Variants in KCNMA1 observed in about 807,000 individuals in gnomAD.
The protein encoded by KCNMA1 is Calcium-activated potassium channel subunit alpha-1.
In KCNMA1, 29 loss-of-function variants were observed where a neutral mutation model predicts 140.0. That is an observed-to-expected ratio of 0.21 (90% CI 0.15 to 0.28). The LOEUF is 0.28. Among genes scored for constraint, KCNMA1 ranks in the 10% least tolerant of loss-of-function variants. KCNMA1 has a pLI of 1.00. For missense variants in KCNMA1, 880 were observed against 1,602.2 expected, an observed-to-expected ratio of 0.55 and a Z score of 7.70; for synonymous variants, 612 against 611.9, an observed-to-expected ratio of 1.00 and a Z score of 0.00.
intron 14 of KCNMA1, among the ~76,000 whole-genome samples, chr10:77,042,786 A>T (rs2094809827): frequency 6.6e-6 from 1 of 152,308 alleles, no homozygotes; most frequent in Middle Eastern, 3.4e-3. Context: ...GAAGGAACAC[A>T]TTTTTTGTAG....
chr10:77,278,492 A>G (rs1447021873), intron 2 of KCNMA1, among the ~76,000 whole-genome samples: 1 of 152,166 alleles, frequency 6.6e-6, no homozygotes, highest in African/African-American at 2.4e-5. Context: ...ACAGGCAACA[A>G]ATATTTCGTG....
chr10:77,603,758 G>A (rs530573124), intron 1 of KCNMA1, among the ~76,000 whole-genome samples: 1 of 152,262 alleles, frequency 6.6e-6, no homozygotes, highest in South Asian at 2.1e-4. Context: ...TCTTGACAGA[G>A]GACTCTAGTC....
At chr10:77,534,479 G>A (rs995176740) in intron 1 of KCNMA1, among the ~76,000 whole-genome samples, 32 of 152,130 alleles carry the variant, frequency 2.1e-4, no homozygotes, top group African/African-American at 7.7e-4. Context: ...AACTAGATAC[G>A]AGGTCCTTTC....
chr10:77,314,477 A>G (rs1332751354), intron 2 of KCNMA1, among the ~76,000 whole-genome samples: 1 of 152,234 alleles, frequency 6.6e-6, no homozygotes, highest in African/African-American at 2.4e-5. Flanking sequence ...CAAACATTCA[A>G]AGATTTTAGA....
chr10:77,251,732 C>T (rs896833969), intron 2 of KCNMA1, among the ~76,000 whole-genome samples: 1 of 152,172 alleles, frequency 6.6e-6, no homozygotes, highest in Non-Finnish European at 1.5e-5. Flanking sequence ...TCATCAATGA[C>T]TTTAGTAAAT....
intron 12 of KCNMA1, among the ~76,000 whole-genome samples, chr10:77,082,677 T>C (rs2096607160): frequency 6.6e-6 from 1 of 152,190 alleles, no homozygotes. Flanking sequence ...CTGATCCTGG[T>C]GTAGCCACTG....
chr10:77,577,562 A>G (rs2074585714), intron 1 of KCNMA1, among the ~76,000 whole-genome samples: 1 of 152,162 alleles, frequency 6.6e-6, no homozygotes, highest in South Asian at 2.1e-4. Flanking sequence ...ACACCAGGCA[A>G]CTCTAAACTA....
At chr10:77,241,752 A>G (rs2154233102) in intron 3 of KCNMA1, among the ~76,000 whole-genome samples, 1 of 152,284 alleles carries the variant, frequency 6.6e-6, no homozygotes, top group Admixed American at 6.5e-5. Flanking sequence ...GGTCAAGGTT[A>G]CAGTGAGCTA....
intron 1 of KCNMA1, among the ~76,000 whole-genome samples, chr10:77,523,524 T>C (rs1283883812): frequency 6.6e-6 from 1 of 152,214 alleles, no homozygotes; most frequent in Non-Finnish European, 1.5e-5. Flanking sequence ...AAGGCTGATG[T>C]CAAGGGAAGA....
chr10:77,190,156 G>A (rs2098927769), intron 3 of KCNMA1, among the ~76,000 whole-genome samples: 3 of 152,050 alleles, frequency 2.0e-5, no homozygotes, highest in Admixed American at 2.0e-4. Context: ...GCTTGATTCA[G>A]CAAACTACTT....
intron 18 of KCNMA1, among the ~76,000 whole-genome samples, chr10:77,009,059 A>G (rs1452794946): frequency 1.3e-5 from 2 of 152,180 alleles, no homozygotes; most frequent in Non-Finnish European, 2.9e-5. Flanking sequence ...AGTAGGAGCA[A>G]TATTCAGACA....
intron 14 of KCNMA1, among the ~76,000 whole-genome samples, chr10:77,057,769 CA>C (rs1594937727): frequency 2.0e-5 from 3 of 150,530 alleles, no homozygotes; most frequent in South Asian, 4.2e-4. Flanking sequence ...TACCACAGAC[CA>C]AAAAAAATTC....
At chr10:77,147,463 G>A (rs1390821773) in intron 5 of KCNMA1, among the ~76,000 whole-genome samples, 1 of 151,238 alleles carries the variant, frequency 6.6e-6, no homozygotes, top group Non-Finnish European at 1.5e-5. Flanking sequence ...CTAACCATCA[G>A]AGGGGTGGAA....
At chr10:77,556,899 T>C (rs918762510) in intron 1 of KCNMA1, among the ~76,000 whole-genome samples, 1 of 152,214 alleles carries the variant, frequency 6.6e-6, no homozygotes, top group Non-Finnish European at 1.5e-5. Flanking sequence ...CAAACTGCAA[T>C]GCCTCAAACC....
chr10:77,445,331 T>TTCTC (rs140684615), intron 1 of KCNMA1, among the ~76,000 whole-genome samples: 3 of 148,258 alleles, frequency 2.0e-5, no homozygotes, highest in Non-Finnish European at 4.5e-5. Flanking sequence ...ATCGTCCATA[T>TTCTC]TCTCTCTCTC....
At chr10:76,873,057 T>A (rs553502884), downstream of KCNMA1, 1 of 152,296 alleles carries the variant, frequency 6.6e-6, no homozygotes, top group South Asian at 2.1e-4. Flanking sequence ...GGGGCTGTGA[T>A]ATCATGGAGC....
At chr10:77,576,011 C>A (rs960374575) in intron 1 of KCNMA1, among the ~76,000 whole-genome samples, 1 of 152,242 alleles carries the variant, frequency 6.6e-6, no homozygotes, top group African/African-American at 2.4e-5. Context: ...TAGCCTTAGG[C>A]TTCTCAGCCA....
intron 2 of KCNMA1, among the ~76,000 whole-genome samples, chr10:77,402,232 A>G (rs2096291356): frequency 6.6e-6 from 1 of 152,208 alleles, no homozygotes; most frequent in Admixed American, 6.5e-5. Flanking sequence ...ATGAAAGAGC[A>G]ATGGAGACTT....
chr10:77,508,576 C>CTT (rs2047061603), intron 1 of KCNMA1, among the ~76,000 whole-genome samples: 17 of 91,046 alleles, frequency 1.9e-4, no homozygotes, highest in African/African-American at 9.5e-4. Context: ...TTTTTTTTTT[C>CTT]TTTTCTTTTT....
Sources: allele counts gnomAD v4.1 joint callset (sites outside exome capture counted in the v4.1 genomes callset), GRCh38; gene constraint gnomAD v4.1.1; transcripts MANE v1.5; gene names NCBI Gene and HGNC (gene_info 2026-07-23, HGNC 2026-07-21).